ZNF215: variants seen among roughly 807,000 people sequenced by gnomAD.
ZNF215 encodes zinc finger protein 215.
ZNF215 carries 24 observed loss-of-function variants against 27.2 expected under a neutral mutation model. The ratio of observed to expected loss-of-function variants is 0.88; its 90% CI spans 0.64 to 1.24. ZNF215 has a LOEUF of 1.24. Ranked by LOEUF, ZNF215 falls within the 50% of genes most tolerant of loss-of-function variation. ZNF215 has a pLI of 0.00. For missense variants in ZNF215, 675 were observed against 605.7 expected (o/e 1.11, Z -1.20); for synonymous variants, 210 against 204.0 (o/e 1.03, Z -0.25).
At chr11:6,977,296 T>A (rs1470294483) in intron 5 of ZNF215, among the ~76,000 whole-genome samples, 2 of 152,026 alleles carry the variant, frequency 1.3e-5, no homozygotes, top group African/African-American at 4.8e-5. Flanking sequence ...TCCCACCCAG[T>A]CCAGCACAGG....
downstream of ZNF215, among the ~76,000 whole-genome samples, chr11:6,987,065 T>C (rs533455274): frequency 1.3e-5 from 2 of 152,226 alleles, no homozygotes; most frequent in Admixed American, 6.5e-5. Flanking sequence ...AATCATTTTA[T>C]CAAAACGACA....
intron 5 of ZNF215, among the ~76,000 whole-genome samples, chr11:6,970,013 C>A (rs1334715959): frequency 6.6e-6 from 1 of 152,102 alleles, no homozygotes; most frequent in Non-Finnish European, 1.5e-5. Flanking sequence ...AACTCATGAC[C>A]TTAAGTGACC....
chr11:6,973,956 T>C (rs533000578), intron 5 of ZNF215, among the ~76,000 whole-genome samples: 6 of 152,228 alleles, frequency 3.9e-5, no homozygotes, highest in Non-Finnish European at 8.8e-5. Context: ...GTTTTAGACA[T>C]GAAGTCCTTG....
At chr11:6,970,959 A>G (rs944501726) in intron 5 of ZNF215, among the ~76,000 whole-genome samples, 1 of 152,140 alleles carries the variant, frequency 6.6e-6, no homozygotes, top group African/African-American at 2.4e-5. Flanking sequence ...CTTCCTTGCA[A>G]GTGATTGGTA....
At chr11:6,969,644 A>C (rs1373542523) in intron 5 of ZNF215, among the ~76,000 whole-genome samples, 1 of 152,216 alleles carries the variant, frequency 6.6e-6, no homozygotes. Flanking sequence ...GCAAAAGCAC[A>C]GAATTATCTC....
chr11:6,970,620 T>G (rs978949121), intron 5 of ZNF215, among the ~76,000 whole-genome samples: 3 of 152,178 alleles, frequency 2.0e-5, no homozygotes, highest in African/African-American at 7.2e-5. Flanking sequence ...GAATGACAAA[T>G]TATTGACATT....
chr11:6,962,877 G>A (rs1037567369), downstream of ZNF215, among the ~76,000 whole-genome samples: 1 of 152,068 alleles, frequency 6.6e-6, no homozygotes, highest in Non-Finnish European at 1.5e-5. Context: ...GTAAGTTTCA[G>A]TAATGTTTCT....
At chr11:6,985,372 T>C (rs1314597934), downstream of ZNF215, among the ~76,000 whole-genome samples, 1 of 152,090 alleles carries the variant, frequency 6.6e-6, no homozygotes, top group Non-Finnish European at 1.5e-5. Context: ...CCCAACACAA[T>C]AGACACCTAA....
chr11:6,981,399 G>A (rs1248687382), intron 5 of ZNF215, among the ~76,000 whole-genome samples: 1 of 151,786 alleles, frequency 6.6e-6, no homozygotes, highest in Non-Finnish European at 1.5e-5. Flanking sequence ...TTGGCTGCAT[G>A]AATGTCTTCT....
chr11:6,956,014 A>G lies in ZNF215; in HGVS notation c.1037A>G (p.Asp346Gly), dbSNP rs758284264. 6.2e-7 allele frequency: 1 copy of G among 1,609,614 alleles called. No individual in the cohort carries two copies. The highest frequency in any genetic ancestry group is 1.1e-5 in the South Asian group (1 of 89,738). The change falls in exon 7 of 7, where the codon GAC becomes GGC. Residue 346 changes from aspartate (D) to glycine (G), a missense_variant. Physicochemically the swap from Asp to Gly is moderately conservative, Grantham distance 94. Transcript: ENST00000278319. Reference sequence around the variant, plus strand: ...AAAACTTACTTCAAATTTAATTTAGACTCAGTAGGTAAGCAACATTCAGAA... The same window carrying G: ...AAAACTTACTTCAAATTTAATTTAGGCTCAGTAGGTAAGCAACATTCAGAA... Reference protein sequence around the residue: ...KFKTYFKFNLDSVGKQHSEYE... With the variant: ...KFKTYFKFNLGSVGKQHSEYE...
At chr11:6,993,540 T>C (rs893250127), downstream of ZNF215, among the ~76,000 whole-genome samples, 1 of 152,194 alleles carries the variant, frequency 6.6e-6, no homozygotes, top group African/African-American at 2.4e-5. Flanking sequence ...TCACTTACCC[T>C]TCCATGATCC....
intron 5 of ZNF215, among the ~76,000 whole-genome samples, chr11:6,972,968 A>G (rs2133338059): frequency 6.6e-6 from 1 of 152,166 alleles, no homozygotes; most frequent in African/African-American, 2.4e-5. Flanking sequence ...CAGGTTTGTT[A>G]CATGTGTATA....
intron 5 of ZNF215, among the ~76,000 whole-genome samples, chr11:6,981,821 A>T (rs575847852): frequency 6.6e-6 from 1 of 151,846 alleles, no homozygotes; most frequent in East Asian, 1.9e-4. Flanking sequence ...TCAGCTTTCT[A>T]CATATGGCTA....
At position 6,956,660 on chromosome 11, in the gene ZNF215, T is replaced by C; in HGVS notation, c.*129T>C. 1 of 1,402,766 alleles carries C rather than the reference T, an allele frequency of 7.1e-7. No individual in the cohort carries two copies. Among genetic ancestry groups the C allele is most frequent in the East Asian group, 2.6e-5 (1 of 38,850 alleles). The allele number at this position is 1,402,766 out of a possible 1,614,324, so 86.9% of individuals were successfully genotyped here. Reference sequence around the variant, plus strand: ...TTGTCAGATTTTTCTTTAAATGATATCACAGAATTAATGTTGGATAGAAAT... The same window carrying C: ...TTGTCAGATTTTTCTTTAAATGATACCACAGAATTAATGTTGGATAGAAAT... On this transcript the variant is annotated 3_prime_UTR_variant, in exon 7 of 7. Transcript: ENST00000278319.
rs368241779 is a variant in ZNF215 at position 6,943,498 on chromosome 11, G to A, written c.617-48G>A. 5.2e-5 allele frequency: 79 copies of A among 1,510,164 alleles called. No homozygotes were observed. The African/African-American group carries it at 1.1e-3, about 20-fold the overall frequency. The allele number at this position is 1,510,164 out of a possible 1,614,324, so 93.5% of individuals were successfully genotyped here. On this transcript the variant is annotated intron_variant, in intron 5 of 6. Transcript: ENST00000278319. ...TCTTCTCTATAAAAATGTCTGAAGT[G>A]TCATATATGTTTGTTGTTGTTGTTC...
intron 3 of ZNF215, among the ~76,000 whole-genome samples, chr11:6,938,877 T>C (rs1389682657): frequency 6.6e-6 from 1 of 152,128 alleles, no homozygotes; most frequent in East Asian, 1.9e-4. Context: ...AAATAGCTAA[T>C]ATGGTGAATT....
chr11:6,968,742 C>T (rs1223464910), intron 5 of ZNF215, among the ~76,000 whole-genome samples: 1 of 151,838 alleles, frequency 6.6e-6, no homozygotes, highest in Non-Finnish European at 1.5e-5. Context: ...GTCACATGCT[C>T]ATAATCCCAG....
intron 6 of ZNF215, among the ~76,000 whole-genome samples, chr11:6,950,144 T>G (rs1454534753): frequency 6.6e-6 from 1 of 150,994 alleles, no homozygotes; most frequent in Non-Finnish European, 1.5e-5. Flanking sequence ...AGCCTTGTAG[T>G]ATAGTTTGAA....
chr11:6,989,678 G>A (rs996235351), downstream of ZNF215, among the ~76,000 whole-genome samples: 1 of 152,108 alleles, frequency 6.6e-6, no homozygotes, highest in African/African-American at 2.4e-5. Context: ...TTGTATCCAT[G>A]GCCCTACAAG....
Sources: gnomAD v4.1 joint callset for allele counts (sites outside exome capture counted in the v4.1 genomes callset) on GRCh38, gnomAD v4.1.1 for gene constraint, MANE v1.5 for transcripts, NCBI Gene and HGNC (gene_info 2026-07-23, HGNC 2026-07-21) for gene names.